Variants in ARHGAP26 observed in about 807,000 individuals in gnomAD.
ARHGAP26 encodes rho GTPase-activating protein 26.
ARHGAP26 carries 38 observed loss-of-function variants against 104.8 expected under a neutral mutation model. That is an observed-to-expected ratio of 0.36 (90% CI 0.28 to 0.48). ARHGAP26 has a LOEUF of 0.48. Ranked by LOEUF, ARHGAP26 falls within the 20% of genes least tolerant of loss-of-function variation. The probability of loss-of-function intolerance (pLI) is 0.99; values close to 1 mark genes in which losing one functional copy is unlikely to be tolerated. For synonymous variants in ARHGAP26, 341 were observed against 340.0 expected (o/e 1.00, Z -0.03); for missense variants, 704 against 947.9 (o/e 0.74, Z 3.38).
chr5:143,072,857 T>C lies in ARHGAP26; in HGVS notation c.1538+15110T>C, dbSNP rs576105754. 2.9e-4 allele frequency among the ~76,000 whole-genome samples: 44 copies of C among 152,288 alleles called. No individual in the cohort carries two copies. The South Asian group carries it at 8.5e-3, about 29-fold the overall frequency. ...AGAAATATAGTCTAGTATTTTATAC[T>C]ACTCTAGGATGACTATAAATAGTTT... is the stretch of plus-strand genomic sequence containing the variant. On this transcript the variant is annotated intron_variant, in intron 17 of 22. Transcript: ENST00000645722.
chr5:142,866,453 G>A (rs139820010), intron 1 of ARHGAP26, among the ~76,000 whole-genome samples: 7 of 152,306 alleles, frequency 4.6e-5, no homozygotes, highest in African/African-American at 9.6e-5. Context: ...TGTGAGGATG[G>A]AGGGATTTAA....
chr5:143,091,902 T>C (rs1008230095), intron 17 of ARHGAP26, among the ~76,000 whole-genome samples: 6 of 152,216 alleles, frequency 3.9e-5, no homozygotes, highest in Non-Finnish European at 5.9e-5. Flanking sequence ...AAATATATAT[T>C]TTTAACCTTT....
chr5:143,012,560 T>TATATATATATATATATAC (rs1778992021), intron 11 of ARHGAP26, among the ~76,000 whole-genome samples: 4 of 70,654 alleles, frequency 5.7e-5, no homozygotes, highest in Admixed American at 1.6e-4. Flanking sequence ...TACATATATA[T>TATATATATATATATATAC]ATATATATAT....
chr5:142,809,230 A>C (rs1303066611), intron 1 of ARHGAP26, among the ~76,000 whole-genome samples: 1 of 152,200 alleles, frequency 6.6e-6, no homozygotes, highest in African/African-American at 2.4e-5. Flanking sequence ...CATTTTTATT[A>C]CTCAAGTAAT....
chr5:142,943,796 A>G (rs1766721131), intron 11 of ARHGAP26, among the ~76,000 whole-genome samples: 1 of 152,120 alleles, frequency 6.6e-6, no homozygotes. Flanking sequence ...TCTTCATACC[A>G]CTACCTTTAT....
rs200540201 is a variant in ARHGAP26, at chr5:143,093,585, ACT to A, written c.1539-27400_1539-27399del. Among the ~76,000 whole-genome samples the A allele has an allele frequency of 7.2e-3, 1,007 of 139,662 alleles. 19 individuals carry two copies. The East Asian group carries it at 0.087, about 12-fold the overall frequency. 91.6% of individuals were successfully genotyped at this position (139,662 alleles called of 152,430 possible). On this transcript the variant is annotated intron_variant, in intron 17 of 22. Coordinates refer to ENST00000645722, the MANE Select transcript of ARHGAP26 (RefSeq NM_001135608.3). ...GTCTCTCTTTCTCTCTCTCTGCCTC[ACT>A]CTTTCTCTCTGTCTTTGACTCCATC...
intron 20 of ARHGAP26, among the ~76,000 whole-genome samples, chr5:143,157,817 T>C (rs958817524): frequency 1.3e-5 from 2 of 152,212 alleles, no homozygotes; most frequent in African/African-American, 2.4e-5. Context: ...GTGAAAAGCA[T>C]TGGTAAGCTT....
In ARHGAP26 at chr5:142,965,555, T is replaced by C. The variant is rs189594926; in HGVS notation, c.1107+33430T>C. ...TCACTATGTCCCCTCAGCTCCTATC[T>C]CTGTATGGCCTGGTTTTTCCTAGGT... On this transcript the variant is annotated intron_variant, in intron 11 of 22. Coordinates refer to ENST00000645722, the MANE Select transcript of ARHGAP26 (RefSeq NM_001135608.3). Among the ~76,000 whole-genome samples, 116 of 152,322 alleles carry C rather than the reference T, an allele frequency of 7.6e-4. 3 individuals carry two copies. Among genetic ancestry groups the C allele is most frequent in the African/African-American group, 2.5e-3 (105 of 41,568 alleles).
chr5:143,186,212 T>A (rs1805114729), intron 20 of ARHGAP26, among the ~76,000 whole-genome samples: 2 of 152,244 alleles, frequency 1.3e-5, no homozygotes, highest in Admixed American at 6.5e-5. Context: ...AGTATTATAA[T>A]AAGAATGAGC....
In ARHGAP26 at chr5:142,770,477, C is replaced by T. The variant is rs993969362; in HGVS notation, c.-285C>T. The stretch of plus-strand genomic sequence containing the variant: ...GGGAGGCGGCGTCTGCACTCGCTCG[C>T]CCGCTCGCTCGCTTCCCGGCGCCGC... On this transcript the variant is annotated 5_prime_UTR_variant, in exon 1 of 23. Coordinates refer to ENST00000645722, the MANE Select transcript of ARHGAP26 (RefSeq NM_001135608.3). 7.3e-5 allele frequency: 14 copies of T among 192,866 alleles called. No homozygotes were observed. In the East Asian group the frequency reaches 8.0e-4, roughly 11 times the overall value. 11.9% of individuals were successfully genotyped at this position (192,866 alleles called of 1,614,324 possible).
chr5:142,969,727 T>C (rs1393570204), intron 11 of ARHGAP26, among the ~76,000 whole-genome samples: 1 of 152,226 alleles, frequency 6.6e-6, no homozygotes, highest in African/African-American at 2.4e-5. Flanking sequence ...GACTAAGCTG[T>C]GGGTCCTCTG....
chr5:142,862,827 C>G (rs548982266), intron 1 of ARHGAP26, among the ~76,000 whole-genome samples: 1 of 152,220 alleles, frequency 6.6e-6, no homozygotes, highest in African/African-American at 2.4e-5. Context: ...AGATGGTACA[C>G]GTCACCCTCT....
chr5:142,846,722 T>A (rs796082907), intron 1 of ARHGAP26, among the ~76,000 whole-genome samples: 86 of 152,340 alleles, frequency 5.6e-4, no homozygotes, highest in African/African-American at 2.0e-3. Flanking sequence ...TATAGGATGT[T>A]GAGTAACCAC....
chr5:143,078,968 C>G (rs140831664), intron 17 of ARHGAP26, among the ~76,000 whole-genome samples: 17 of 152,344 alleles, frequency 1.1e-4, no homozygotes, highest in Non-Finnish European at 1.6e-4. Flanking sequence ...CTTGATTGTG[C>G]TCTGCAAATG....
intron 12 of ARHGAP26, among the ~76,000 whole-genome samples, chr5:143,017,103 A>G (rs1779694334): frequency 6.6e-6 from 1 of 152,214 alleles, no homozygotes. Flanking sequence ...ACCAGATTCC[A>G]AATGTCTAGA....
chr5:143,022,461 A>G (rs1780488445), intron 12 of ARHGAP26, among the ~76,000 whole-genome samples: 1 of 152,204 alleles, frequency 6.6e-6, no homozygotes, highest in South Asian at 2.1e-4. Context: ...TTATTTTTAT[A>G]GGAGTATTCA....
At chr5:143,174,467 G>C (rs1803208077) in intron 20 of ARHGAP26, among the ~76,000 whole-genome samples, 1 of 152,180 alleles carries the variant, frequency 6.6e-6, no homozygotes. Context: ...GAGAAAATAT[G>C]AGAAACTCAT....
At chr5:143,041,520 T>C (rs934592451) in intron 13 of ARHGAP26, 1 of 278,846 alleles carries the variant, frequency 3.6e-6, no homozygotes, top group Non-Finnish European at 7.3e-6. Flanking sequence ...TTTTGCATCT[T>C]TTAGAACTCT....
intron 20 of ARHGAP26, chr5:143,172,892 T>C (rs1802968584): frequency 5.8e-6 from 1 of 173,560 alleles, no homozygotes; most frequent in Non-Finnish European, 1.2e-5. Flanking sequence ...ATGTTGTTGG[T>C]TGAAAGAAGA....
Sources: allele counts gnomAD v4.1 joint callset (sites outside exome capture counted in the v4.1 genomes callset), GRCh38; gene constraint gnomAD v4.1.1; transcripts MANE v1.5; gene names NCBI Gene and HGNC (gene_info 2026-07-23, HGNC 2026-07-21).